Variants in PLEKHB2 observed in about 807,000 individuals in gnomAD.
The protein encoded by PLEKHB2 is pleckstrin homology domain containing B2.
PLEKHB2 carries 31 observed loss-of-function variants against 36.5 expected under a neutral mutation model. The observed-to-expected ratio is 0.85, with a 90% CI of 0.64 to 1.15. The LOEUF is 1.15. Ranked by LOEUF, PLEKHB2 falls within the 50% of genes most tolerant of loss-of-function variation. The probability of loss-of-function intolerance (pLI) is 0.00; values close to 1 mark genes in which losing one functional copy is unlikely to be tolerated. For missense variants in PLEKHB2, 262 were observed against 295.3 expected (o/e 0.89, Z 0.83); for synonymous variants, 119 against 112.0 (o/e 1.06, Z -0.39).
chr2:131,143,343 CAT>C (rs978182195), intron 7 of PLEKHB2, among the ~76,000 whole-genome samples: 3 of 152,134 alleles, frequency 2.0e-5, no homozygotes, highest in African/African-American at 7.2e-5. Flanking sequence ...CGTTTTCAAA[CAT>C]AAAAAATAGG....
rs1179533654 is a variant in PLEKHB2 at position 131,115,341 on chromosome 2, CTTTTTTTTTTTTTTTTT to C, written c.-8-5578_-8-5562del. Among the ~76,000 whole-genome samples the C allele has an allele frequency of 1.9e-4, 12 of 64,546 alleles. 1 individual carries two copies. The highest frequency in any genetic ancestry group is 6.2e-4 in the South Asian group (1 of 1,624). The allele number at this position is 64,546 out of a possible 152,430, so 42.3% of individuals were successfully genotyped here. ...GCCAAACCATTATCAGAAAGTATGT[CTTTTTTTTTTTTTTTTT>C]TTTTTTTTTTTTTTGAGATGGAGTC... is the stretch of plus-strand genomic sequence containing the variant. On this transcript the variant is annotated intron_variant, in intron 1 of 7. Coordinates refer to ENST00000693505, the MANE Select transcript of PLEKHB2 (RefSeq NM_001100623.2).
intron 1 of PLEKHB2, among the ~76,000 whole-genome samples, chr2:131,110,764 T>C (rs1470775520): frequency 1.3e-5 from 2 of 152,204 alleles, no homozygotes; most frequent in African/African-American, 2.4e-5. Flanking sequence ...TCCTGTGTCT[T>C]GCTGATTGTT....
chr2:131,124,862 T>G (rs1428551881), intron 2 of PLEKHB2, among the ~76,000 whole-genome samples: 1 of 152,038 alleles, frequency 6.6e-6, no homozygotes, highest in Non-Finnish European at 1.5e-5. Flanking sequence ...CTTGGCTCAC[T>G]GCAACCTCCA....
intron 1 of PLEKHB2, among the ~76,000 whole-genome samples, chr2:131,112,262 C>T (rs1367881989): frequency 2.0e-5 from 3 of 152,178 alleles, no homozygotes; most frequent in African/African-American, 7.2e-5. Flanking sequence ...CCAGAATAGC[C>T]GAACACCTGG....
Position 131,125,781 on chromosome 2 carries a change from C to T in PLEKHB2, c.66C>T (p.Asn22=), listed in dbSNP as rs748254807. ...CTATTTTGAAGCGCTGGAAGAAGAA[C>T]TGGTTTGATCTGTGGTCGGATGGTC... ...QSTILKRWKK[N]WFDLWSDGHL... is the part of the protein sequence containing the mutation. Residue 22 remains asparagine, a synonymous_variant, in exon 3 of 8, where the codon AAC becomes AAT. Transcript: ENST00000693505. 2.5e-6 allele frequency: 4 copies of T among 1,610,726 alleles called. No individual in the cohort carries two copies. The highest frequency in any genetic ancestry group is 3.4e-6 in the Non-Finnish European group (4 of 1,178,784).
At chr2:131,117,563 G>T (rs1206438960) in intron 1 of PLEKHB2, among the ~76,000 whole-genome samples, 1 of 152,154 alleles carries the variant, frequency 6.6e-6, no homozygotes, top group African/African-American at 2.4e-5. Flanking sequence ...TATTTGTCAT[G>T]ACTACGTAGT....
At chr2:131,136,963 T>TTTTTTG (rs1698320685) in intron 6 of PLEKHB2, among the ~76,000 whole-genome samples, 1 of 149,844 alleles carries the variant, frequency 6.7e-6, no homozygotes. Context: ...TTTTTTTTTT[T>TTTTTTG]GAGACGGAGT....
chr2:131,107,638 TG>T (rs1323829009), intron 1 of PLEKHB2: 1 of 152,200 alleles, frequency 6.6e-6, no homozygotes, highest in African/African-American at 2.4e-5. Context: ...AAAATAGTAA[TG>T]TAATTGTAGC....
At chr2:131,143,163 T>TG (rs1364432738) in intron 7 of PLEKHB2, among the ~76,000 whole-genome samples, 5 of 152,186 alleles carry the variant, frequency 3.3e-5, no homozygotes, top group Non-Finnish European at 7.3e-5. Flanking sequence ...TGCTAAGCTA[T>TG]GATGTTCGGT....
rs1031756595 is a variant in PLEKHB2, at chr2:131,109,722, G to C, written c.-9+4324G>C. On this transcript the variant is annotated intron_variant, in intron 1 of 7. Transcript: ENST00000693505. ...AACAAACAAAAAAAACAACCAAATA[G>C]TGCTTTAAACCTTAGAATAAAAAAA... Among the ~76,000 whole-genome samples, 7 of 151,840 alleles carry C rather than the reference G, an allele frequency of 4.6e-5. No homozygotes were observed. The East Asian group carries it at 7.8e-4, about 17-fold the overall frequency.
rs1697030326 is a variant in PLEKHB2 at position 131,125,793 on chromosome 2, G to A, written c.78G>A (p.Leu26=). ...GCTGGAAGAAGAACTGGTTTGATCTGTGGTCGGATGGTCACCTGATCTATT... is the reference window on the plus strand; with the variant it reads ...GCTGGAAGAAGAACTGGTTTGATCTATGGTCGGATGGTCACCTGATCTATT... ...LKRWKKNWFD[L]WSDGHLIYYD... is the part of the protein sequence containing the mutation. The change falls in exon 3 of 8, where the codon CTG becomes CTA. Residue 26 remains leucine (L), a synonymous_variant. Coordinates refer to ENST00000693505, the MANE Select transcript of PLEKHB2 (RefSeq NM_001100623.2). 15 of 1,612,866 alleles carry A rather than the reference G, an allele frequency of 9.3e-6. No homozygotes were observed. The highest frequency in any genetic ancestry group is 1.2e-5 in the Non-Finnish European group (14 of 1,179,658).
chr2:131,134,979 A>G (rs761120265), intron 6 of PLEKHB2, among the ~76,000 whole-genome samples: 2 of 152,060 alleles, frequency 1.3e-5, no homozygotes, highest in Non-Finnish European at 2.9e-5. Context: ...GTGATTGCAT[A>G]TGGTATTACA....
intron 1 of PLEKHB2, among the ~76,000 whole-genome samples, chr2:131,108,314 T>C (rs1694941729): frequency 6.6e-6 from 1 of 152,246 alleles, no homozygotes; most frequent in African/African-American, 2.4e-5. Context: ...TAATGTTCTT[T>C]TGCAGCTAGT....
intron 2 of PLEKHB2, among the ~76,000 whole-genome samples, chr2:131,123,793 C>T (rs867899319): frequency 4.2e-5 from 5 of 118,616 alleles, no homozygotes; most frequent in African/African-American, 1.1e-4. Flanking sequence ...CCCCGCCCCC[C>T]GCCCTCGGCC....
chr2:131,119,414 G>T (rs1393185411), intron 1 of PLEKHB2, among the ~76,000 whole-genome samples: 1 of 152,240 alleles, frequency 6.6e-6, no homozygotes, highest in East Asian at 1.9e-4. Context: ...CCAGGAGGCA[G>T]CCTGCAGCAC....
chr2:131,148,701 T>C lies in PLEKHB2; in HGVS notation c.*1928T>C, dbSNP rs1699470590. The C allele has an allele frequency of 6.6e-6, 1 of 152,206 alleles. No homozygotes were observed. Among genetic ancestry groups the C allele is most frequent in the African/African-American group, 2.4e-5 (1 of 41,446 alleles). The allele number at this position is 152,206 out of a possible 1,614,324, so 9.4% of individuals were successfully genotyped here. Reference sequence around the variant, plus strand: ...TCTGATCCTAGGGGACTTGTTGACATGGGAGTGTCTGTTTCCACATGGAAG... The same window carrying C: ...TCTGATCCTAGGGGACTTGTTGACACGGGAGTGTCTGTTTCCACATGGAAG... On this transcript the variant is annotated 3_prime_UTR_variant, in exon 8 of 8. Coordinates refer to ENST00000693505, the MANE Select transcript of PLEKHB2 (RefSeq NM_001100623.2).
intron 1 of PLEKHB2, among the ~76,000 whole-genome samples, chr2:131,112,033 T>G (rs1322125836): frequency 6.6e-6 from 1 of 152,200 alleles, no homozygotes; most frequent in African/African-American, 2.4e-5. Context: ...TGCTAATGAT[T>G]GATTGATGGC....
chr2:131,119,555 T>C (rs974411682), intron 1 of PLEKHB2, among the ~76,000 whole-genome samples: 8 of 152,206 alleles, frequency 5.3e-5, no homozygotes, highest in Non-Finnish European at 7.3e-5. Flanking sequence ...TATATATATA[T>C]CTGTGTTGGT....
At chr2:131,135,041 AT>A (rs1698094642) in intron 6 of PLEKHB2, among the ~76,000 whole-genome samples, 1 of 151,386 alleles carries the variant, frequency 6.6e-6, no homozygotes, top group Non-Finnish European at 1.5e-5. Context: ...AATAGAATTG[AT>A]TTTTGTAGGT....
Sources: gnomAD v4.1 joint callset for allele counts (sites outside exome capture counted in the v4.1 genomes callset) on GRCh38, gnomAD v4.1.1 for gene constraint, MANE v1.5 for transcripts, NCBI Gene and HGNC (gene_info 2026-07-23, HGNC 2026-07-21) for gene names.